Variants in GRM8 observed in about 807,000 individuals in gnomAD.
GRM8 encodes the protein metabotropic glutamate receptor 8.
Under a neutral mutation model 87.2 loss-of-function variants are expected in GRM8, and 47 were observed. The observed-to-expected ratio is 0.54, with a 90% CI of 0.43 to 0.69. GRM8 has a LOEUF of 0.69. GRM8 is among the 30% of genes least tolerant of loss of function. The pLI is 0.00. For missense variants in GRM8, 1,019 were observed against 1,139.2 expected (o/e 0.89, Z 1.52); for synonymous variants, 396 against 404.5 (o/e 0.98, Z 0.25).
intron 7 of GRM8, among the ~76,000 whole-genome samples, chr7:126,621,820 A>C (rs913540694): frequency 1.3e-5 from 2 of 152,086 alleles, no homozygotes; most frequent in Non-Finnish European, 2.9e-5. Flanking sequence ...ATCATCTCCA[A>C]AAGTTTCCTC....
In GRM8 at chr7:127,195,057, T is replaced by C. The variant is rs992104452; in HGVS notation, c.510+47638A>G. 5.3e-5 allele frequency among the ~76,000 whole-genome samples: 8 copies of C among 152,334 alleles called. No homozygotes were observed. In the East Asian group the frequency reaches 1.5e-3, roughly 29 times the overall value. On this transcript the variant is annotated intron_variant, in intron 2 of 10. Transcript: ENST00000339582. ...ATTATAGATCACTCCCACAGCAACTTGGTCCTTGCCCATTTCTCTTTGCCA... is the reference window on the plus strand; with the variant it reads ...ATTATAGATCACTCCCACAGCAACTCGGTCCTTGCCCATTTCTCTTTGCCA...
chr7:126,587,571 G>A lies in GRM8; in HGVS notation c.1494+21791C>T, dbSNP rs181698792. Among the ~76,000 whole-genome samples the A allele has an allele frequency of 2.4e-3, 364 of 151,386 alleles. 2 individuals are homozygous for A. The highest frequency in any genetic ancestry group is 4.2e-3 in the Non-Finnish European group (286 of 67,898). ...AAACCATCATTTTCAGCAAACTATC[G>A]CAGGGACAAAAAAACCAAACACCGC... is the stretch of plus-strand genomic sequence containing the variant. On this transcript the variant is annotated intron_variant, in intron 8 of 10. Coordinates refer to ENST00000339582, the MANE Select transcript of GRM8 (RefSeq NM_000845.3).
chr7:126,610,792 T>A (rs1301421445), intron 7 of GRM8, among the ~76,000 whole-genome samples: 2 of 152,258 alleles, frequency 1.3e-5, no homozygotes, highest in Non-Finnish European at 2.9e-5. Flanking sequence ...TGTCTAATAT[T>A]CTGTTTTCTT....
chr7:127,075,737 G>C (rs1822189703), intron 3 of GRM8, among the ~76,000 whole-genome samples: 1 of 152,044 alleles, frequency 6.6e-6, no homozygotes, highest in African/African-American at 2.4e-5. Context: ...TCCCATTATT[G>C]GGGGAGGGAG....
intron 7 of GRM8, chr7:126,701,920 G>T: frequency 2.4e-6 from 1 of 423,178 alleles, no homozygotes. Flanking sequence ...CATGCCTTCT[G>T]TCTTAGTATA....
rs143460421 is a variant in GRM8 at position 126,983,096 on chromosome 7, G to A, written c.728-78413C>T. On this transcript the variant is annotated intron_variant, in intron 3 of 10. Transcript: ENST00000339582. ...TTAGCCTGTTGACTTAAAGGTAGGAGGAGCCCAAAGTGTCCAGGTGGCAAT... is the reference window on the plus strand; with the variant it reads ...TTAGCCTGTTGACTTAAAGGTAGGAAGAGCCCAAAGTGTCCAGGTGGCAAT... Among the ~76,000 whole-genome samples, 1,430 of 152,260 alleles carry A rather than the reference G, an allele frequency of 9.4e-3. 28 individuals carry two copies. Among genetic ancestry groups the A allele is most frequent in the African/African-American group, 0.033 (1,361 of 41,542 alleles).
In GRM8 at chr7:126,992,829, ATGTG is replaced by A. The variant is rs536291684; in HGVS notation, c.728-88150_728-88147del. Among the ~76,000 whole-genome samples, 545 of 137,644 alleles carry A rather than the reference ATGTG, an allele frequency of 4.0e-3. 1 individual carries two copies. The highest frequency in any genetic ancestry group is 8.6e-3 in the African/African-American group (322 of 37,602). 90.3% of individuals were successfully genotyped at this position (137,644 alleles called of 152,430 possible). A position where few individuals can be genotyped will look rare whatever the true frequency, so the allele number is the denominator to read the frequency against. On this transcript the variant is annotated intron_variant, in intron 3 of 10. Coordinates refer to ENST00000339582, the MANE Select transcript of GRM8 (RefSeq NM_000845.3). Reference sequence around the variant, plus strand: ...TCCGTGTGTGTGTGTGTGTGTGTGTATGTGTGTGTGTGTGTGTGTGTGTGTACAC... The same window carrying A: ...TCCGTGTGTGTGTGTGTGTGTGTGTATGTGTGTGTGTGTGTGTGTGTACAC...
At chr7:126,842,200 C>T (rs1796336387) in intron 6 of GRM8, among the ~76,000 whole-genome samples, 1 of 152,142 alleles carries the variant, frequency 6.6e-6, no homozygotes, top group Non-Finnish European at 1.5e-5. Flanking sequence ...TACAAAGGCA[C>T]AGCCAGCTGT....
intron 7 of GRM8, among the ~76,000 whole-genome samples, chr7:126,762,170 A>G (rs1817642789): frequency 6.6e-6 from 1 of 152,198 alleles, no homozygotes; most frequent in East Asian, 1.9e-4. Context: ...TGTAAAATAA[A>G]TAAATGATTT....
chr7:126,912,739 A>T (rs561540213), intron 3 of GRM8, among the ~76,000 whole-genome samples: 1 of 152,338 alleles, frequency 6.6e-6, no homozygotes, highest in African/African-American at 2.4e-5. Context: ...TCAATTCACC[A>T]TATGTACATT....
At chr7:126,913,468 A>G (rs1803528968) in intron 3 of GRM8, among the ~76,000 whole-genome samples, 1 of 152,362 alleles carries the variant, frequency 6.6e-6, no homozygotes, top group South Asian at 2.1e-4. Flanking sequence ...AGAATTAAAC[A>G]TCTTTTGATC....
chr7:126,466,173 T>C (rs1439187014), intron 9 of GRM8, among the ~76,000 whole-genome samples: 1 of 145,182 alleles, frequency 6.9e-6, no homozygotes, highest in South Asian at 2.1e-4. Context: ...AAAAAGGTAC[T>C]TTTTTTTTAG....
rs115377965 is a variant in GRM8, at chr7:126,624,403, G to A, written c.1358-14905C>T. On this transcript the variant is annotated intron_variant, in intron 7 of 10. Transcript: ENST00000339582. ...TTCTGACTGGCTTCTTTCATTACTC[G>A]TATCCCACCCAAAATATCAAGAGAG... Among the ~76,000 whole-genome samples the A allele has an allele frequency of 3.1e-3, 477 of 152,062 alleles. 3 individuals carry two copies. Among genetic ancestry groups the A allele is most frequent in the African/African-American group, 0.011 (465 of 41,458 alleles).
intron 2 of GRM8, among the ~76,000 whole-genome samples, chr7:127,202,389 G>A (rs1795663853): frequency 6.6e-6 from 1 of 152,070 alleles, no homozygotes; most frequent in Non-Finnish European, 1.5e-5. Flanking sequence ...TGTTGGCCAG[G>A]GTGGTCTCGA....
At chr7:126,684,773 G>A (rs28654948) in intron 7 of GRM8, among the ~76,000 whole-genome samples, 3,130 of 152,242 alleles carry the variant, frequency 0.021, 104 homozygotes, top group African/African-American at 0.07. Flanking sequence ...ATGGGAGCCC[G>A]TACATCTTGT....
chr7:126,901,783 G>T lies in GRM8; in HGVS notation c.1156+759C>A, dbSNP rs567513926. Among the ~76,000 whole-genome samples the T allele has an allele frequency of 3.3e-3, 508 of 152,198 alleles. 3 individuals are homozygous for T. Among genetic ancestry groups the T allele is most frequent in the Non-Finnish European group, 5.9e-3 (398 of 67,992 alleles). On this transcript the variant is annotated intron_variant, in intron 6 of 10. Transcript: ENST00000339582. ...TTTGTTAAAATTGACCCTTATATAT[G>T]TTGTATGTTTTTGATCCTACTATAA...
intron 2 of GRM8, among the ~76,000 whole-genome samples, chr7:127,182,388 T>G (rs1794496164): frequency 6.6e-6 from 1 of 152,064 alleles, no homozygotes. Context: ...ACTTCTACAC[T>G]GCTAGTGGGA....
chr7:126,647,812 ATC>A (rs1803331465), intron 7 of GRM8, among the ~76,000 whole-genome samples: 1 of 152,138 alleles, frequency 6.6e-6, no homozygotes, highest in Admixed American at 6.6e-5. Flanking sequence ...GCACCGAAAC[ATC>A]TGCTTGTAAA....
intron 2 of GRM8, among the ~76,000 whole-genome samples, chr7:127,123,740 A>C (rs1295012953): frequency 6.6e-6 from 1 of 152,160 alleles, no homozygotes; most frequent in East Asian, 1.9e-4. Flanking sequence ...AATTCCTCAG[A>C]TCTGTTTCAA....
Sources: allele counts gnomAD v4.1 joint callset (sites outside exome capture counted in the v4.1 genomes callset), GRCh38; gene constraint gnomAD v4.1.1; transcripts MANE v1.5; gene names NCBI Gene and HGNC (gene_info 2026-07-23, HGNC 2026-07-21).